PRKCE: variants seen among roughly 807,000 people sequenced by gnomAD.
PRKCE encodes protein kinase C epsilon, also known as protein kinase C epsilon type.
Under a neutral mutation model 85.4 loss-of-function variants are expected in PRKCE, and 16 were observed. The observed-to-expected ratio is 0.19, with a 90% CI of 0.13 to 0.28. PRKCE has a LOEUF of 0.28. Among genes scored for constraint, PRKCE ranks in the 10% least tolerant of loss-of-function variants. The probability of loss-of-function intolerance (pLI) is 1.00; values close to 1 mark genes in which losing one functional copy is unlikely to be tolerated. For missense variants in PRKCE, 573 were observed against 975.2 expected (o/e 0.59, Z 5.49); for synonymous variants, 388 against 371.5 (o/e 1.04, Z -0.51).
At chr2:46,039,265 T>C (rs1330163266) in intron 10 of PRKCE, among the ~76,000 whole-genome samples, 1 of 152,226 alleles carries the variant, frequency 6.6e-6, no homozygotes, top group Non-Finnish European at 1.5e-5. Flanking sequence ...GTTTACCATC[T>C]CTTGCTCACC....
intron 1 of PRKCE, among the ~76,000 whole-genome samples, chr2:45,831,694 A>G (rs1690437642): frequency 6.6e-6 from 1 of 152,222 alleles, no homozygotes; most frequent in Non-Finnish European, 1.5e-5. Flanking sequence ...AAATTGAGGC[A>G]TACACATTTT....
intron 2 of PRKCE, among the ~76,000 whole-genome samples, chr2:45,941,273 C>G (rs938142807): frequency 2.0e-5 from 3 of 152,060 alleles, no homozygotes; most frequent in African/African-American, 7.2e-5. Flanking sequence ...CCTCAAGAAG[C>G]CAGCATGTGG....
intron 2 of PRKCE, among the ~76,000 whole-genome samples, chr2:45,964,751 G>T (rs1701620382): frequency 6.6e-6 from 1 of 152,184 alleles, no homozygotes; most frequent in African/African-American, 2.4e-5. Flanking sequence ...AAACCATGGG[G>T]CAGTGAGATT....
At chr2:45,809,586 A>T (rs1177746498) in intron 1 of PRKCE, among the ~76,000 whole-genome samples, 3 of 152,028 alleles carry the variant, frequency 2.0e-5, no homozygotes, top group Non-Finnish European at 4.4e-5. Flanking sequence ...TTTCTCACAC[A>T]TGAAAGTCTG....
At chr2:45,859,828 GAGTA>G (rs1692998146) in intron 2 of PRKCE, among the ~76,000 whole-genome samples, 1 of 152,144 alleles carries the variant, frequency 6.6e-6, no homozygotes, top group South Asian at 2.1e-4. Flanking sequence ...TTGGGCCAAT[GAGTA>G]TACTGATGCA....
At chr2:45,788,437 G>C (rs1316958248) in intron 1 of PRKCE, among the ~76,000 whole-genome samples, 6 of 152,170 alleles carry the variant, frequency 3.9e-5, no homozygotes, top group Non-Finnish European at 8.8e-5. Context: ...AGAGAATCCT[G>C]ACTCCAGTGT....
chr2:45,690,836 A>G (rs1010188235), intron 1 of PRKCE, among the ~76,000 whole-genome samples: 1 of 152,364 alleles, frequency 6.6e-6, no homozygotes, highest in South Asian at 2.1e-4. Context: ...TAGACCATCC[A>G]GGTGCTCCCA....
intron 10 of PRKCE, among the ~76,000 whole-genome samples, chr2:46,026,231 G>A (rs1707099707): frequency 6.6e-6 from 1 of 152,188 alleles, no homozygotes; most frequent in African/African-American, 2.4e-5. Flanking sequence ...GGCATTCATG[G>A]GGAGAGTATA....
chr2:45,709,795 C>T (rs978805601), intron 1 of PRKCE, among the ~76,000 whole-genome samples: 1 of 151,864 alleles, frequency 6.6e-6, no homozygotes, highest in African/African-American at 2.4e-5. Context: ...TCTCCTGTCT[C>T]CCCTGTGACC....
chr2:45,873,268 G>C (rs1305749985), intron 2 of PRKCE, among the ~76,000 whole-genome samples: 1 of 152,134 alleles, frequency 6.6e-6, no homozygotes, highest in African/African-American at 2.4e-5. Flanking sequence ...CAGAAACTGA[G>C]CAAAAGCATT....
chr2:45,822,948 A>G (rs1689654751), intron 1 of PRKCE, among the ~76,000 whole-genome samples: 1 of 152,214 alleles, frequency 6.6e-6, no homozygotes, highest in South Asian at 2.1e-4. Flanking sequence ...CAGATAAGTG[A>G]TGGATCTATT....
intron 2 of PRKCE, among the ~76,000 whole-genome samples, chr2:45,957,639 T>G (rs1701058260): frequency 6.6e-6 from 1 of 152,192 alleles, no homozygotes; most frequent in South Asian, 2.1e-4. Context: ...CCAGGCATGG[T>G]GGCTCATGCC....
intron 8 of PRKCE, among the ~76,000 whole-genome samples, chr2:46,007,168 C>T (rs1027460052): frequency 6.6e-6 from 1 of 152,198 alleles, no homozygotes; most frequent in African/African-American, 2.4e-5. Context: ...AGGCTACTAG[C>T]CAAAGGGGGC....
chr2:45,923,583 C>T (rs368705006), intron 2 of PRKCE, among the ~76,000 whole-genome samples: 1 of 152,284 alleles, frequency 6.6e-6, no homozygotes, highest in East Asian at 1.9e-4. Context: ...TCAGCTGTGC[C>T]CTCAGCCCTG....
In PRKCE at chr2:46,184,821, G is replaced by T; in HGVS notation, c.2154G>T (p.Lys718Asn). ...VLTLVDEAIV[K>N]QINQEEFKGF... ...CCCTTGTGGACGAAGCAATTGTAAA[G>T]CAGATCAACCAGGAGGAATTCAAAG... The change falls in exon 15 of 15, where the codon AAG becomes AAT. Residue 718 changes from lysine to asparagine, a missense_variant. Lys to Asn is a moderately conservative substitution (Grantham distance 94). Around this residue, in one of 11 missense-constraint regions of PRKCE, gnomAD observed 45 missense variants for 39.1 expected, o/e 1.15. Coordinates refer to ENST00000306156, the MANE Select transcript of PRKCE (RefSeq NM_005400.3). The surrounding 1 kb of genome is among the most constrained non-coding windows in gnomAD (Gnocchi z 5.0). 1.3e-6 allele frequency: 2 copies of T among 1,599,782 alleles called. No homozygotes were observed. The highest frequency in any genetic ancestry group is 1.7e-6 in the Non-Finnish European group (2 of 1,179,962).
intron 10 of PRKCE, among the ~76,000 whole-genome samples, chr2:46,056,163 T>A (rs1239690753): frequency 6.6e-6 from 1 of 152,160 alleles, no homozygotes; most frequent in Non-Finnish European, 1.5e-5. Flanking sequence ...CTCCATCAGC[T>A]GTTCACTGTT....
At chr2:46,000,912 T>G (rs1227344174) in intron 6 of PRKCE, 2 of 152,196 alleles carry the variant, frequency 1.3e-5, no homozygotes, top group African/African-American at 4.8e-5. Context: ...TCGGAAGAGC[T>G]GTTGATTTTG....
At chr2:45,935,151 A>C (rs1212669565) in intron 2 of PRKCE, among the ~76,000 whole-genome samples, 1 of 152,140 alleles carries the variant, frequency 6.6e-6, no homozygotes, top group Non-Finnish European at 1.5e-5. Context: ...GATGAGGGGG[A>C]CCATACCTTA....
chr2:45,731,817 C>T (rs1018987458), intron 1 of PRKCE, among the ~76,000 whole-genome samples: 3 of 151,944 alleles, frequency 2.0e-5, no homozygotes, highest in African/African-American at 7.2e-5. Flanking sequence ...AAGGTCTCAC[C>T]GTGTTACCCA....
Sources: allele counts gnomAD v4.1 joint callset (sites outside exome capture counted in the v4.1 genomes callset), GRCh38; gene constraint gnomAD v4.1.1; regional missense constraint gnomAD v4.1.1; non-coding constraint Gnocchi (gnomAD v3.1); transcripts MANE v1.5; gene names NCBI Gene and HGNC (gene_info 2026-07-23, HGNC 2026-07-21).